Variants in MYO6 observed in about 807,000 individuals in gnomAD.
MYO6 encodes unconventional myosin-VI.
A neutral mutation model predicts 178.7 loss-of-function variants in MYO6; 74 were observed. That is an observed-to-expected ratio of 0.41 (90% CI 0.34 to 0.50). The LOEUF (loss-of-function observed/expected upper bound fraction) is 0.50, where lower values mean the gene tolerates loss of function less well. MYO6 is among the 20% of genes least tolerant of loss of function. The probability of loss-of-function intolerance (pLI) is 0.09; values close to 1 mark genes in which losing one functional copy is unlikely to be tolerated. For synonymous variants in MYO6, 477 were observed against 504.6 expected, an observed-to-expected ratio of 0.95 and a Z score of 0.73; for missense variants, 1,330 against 1,547.4, an observed-to-expected ratio of 0.86 and a Z score of 2.36.
intron 1 of MYO6, among the ~76,000 whole-genome samples, chr6:75,764,091 G>A (rs1778184918): frequency 6.6e-6 from 1 of 151,844 alleles, no homozygotes; most frequent in Admixed American, 6.6e-5. Flanking sequence ...TCTCATCCTG[G>A]CTGGACTGCA....
chr6:75,803,135 C>G (rs1245926128), intron 1 of MYO6, among the ~76,000 whole-genome samples: 1 of 152,092 alleles, frequency 6.6e-6, no homozygotes, highest in African/African-American at 2.4e-5. Flanking sequence ...ATGATTTCTT[C>G]TCTGAAAATC....
At chr6:75,780,213 G>A (rs1271076763) in intron 1 of MYO6, among the ~76,000 whole-genome samples, 3 of 152,206 alleles carry the variant, frequency 2.0e-5, no homozygotes, top group Non-Finnish European at 4.4e-5. Context: ...GGCTGAGGGG[G>A]GCGGATCATC....
chr6:75,861,220 G>A (rs1776191132), intron 15 of MYO6, 125 bp downstream of exon 15: 2 of 804,180 alleles, frequency 2.5e-6, no homozygotes, highest in African/African-American at 1.7e-5. Flanking sequence ...TTTGAGAGAA[G>A]GTTACTTCTG....
At chr6:75,788,168 G>C (rs1420789052) in intron 1 of MYO6, among the ~76,000 whole-genome samples, 3 of 152,172 alleles carry the variant, frequency 2.0e-5, no homozygotes, top group Middle Eastern at 3.4e-3. Flanking sequence ...CACATTAACA[G>C]TGCAAAAGTT....
intron 1 of MYO6, among the ~76,000 whole-genome samples, chr6:75,813,191 C>G (rs1188452238): frequency 6.6e-6 from 1 of 152,082 alleles, no homozygotes; most frequent in Non-Finnish European, 1.5e-5. Flanking sequence ...AATCAAGAAC[C>G]TTAGAAATCT....
chr6:75,881,968 CTTTTTTTA>C lies in MYO6; in HGVS notation c.2416+157_2416+164del, dbSNP rs1326935598. The stretch of plus-strand genomic sequence containing the variant: ...AGGTTCCTATTTGTAGATGTTCTTT[CTTTTTTTA>C]TTTTTTGAGTGTATGATATTTATTT... On this transcript the variant is annotated intron_variant, in intron 23 of 34. Transcript: ENST00000369977. 2.7e-5 allele frequency: 24 copies of C among 878,888 alleles called. 1 individual carries two copies. In the East Asian group the frequency reaches 6.2e-4, roughly 23 times the overall value. 54.4% of individuals were successfully genotyped at this position (878,888 alleles called of 1,614,324 possible). A position where few individuals can be genotyped will look rare whatever the true frequency, so the allele number is the denominator to read the frequency against.
At chr6:75,837,901 CTAAT>C (rs1036894323) in intron 7 of MYO6, among the ~76,000 whole-genome samples, 3 of 152,046 alleles carry the variant, frequency 2.0e-5, no homozygotes, top group African/African-American at 7.2e-5. Context: ...CAGTAAAAGA[CTAAT>C]TAGTATTCTG....
chr6:75,814,242 C>G (rs538869145), intron 1 of MYO6, among the ~76,000 whole-genome samples: 1 of 152,284 alleles, frequency 6.6e-6, no homozygotes, highest in Non-Finnish European at 1.5e-5. Flanking sequence ...CCTGTAGATT[C>G]TCTCACCATA....
intron 1 of MYO6, among the ~76,000 whole-genome samples, chr6:75,757,810 GATA>G (rs754550374): frequency 1.3e-5 from 2 of 151,820 alleles, no homozygotes; most frequent in African/African-American, 2.4e-5. Context: ...GATTGAATTA[GATA>G]ATAATACATG....
At chr6:75,837,589 G>A (rs573069317) in intron 7 of MYO6, among the ~76,000 whole-genome samples, 1 of 152,312 alleles carries the variant, frequency 6.6e-6, no homozygotes, top group East Asian at 1.9e-4. Flanking sequence ...GTATGTTCAT[G>A]CATTTTGCTA....
intron 25 of MYO6, among the ~76,000 whole-genome samples, chr6:75,889,221 AG>A (rs1168546679): frequency 6.6e-6 from 1 of 152,220 alleles, no homozygotes; most frequent in East Asian, 1.9e-4. Context: ...AAATCTGTCA[AG>A]GGCCATCTTT....
intron 1 of MYO6, among the ~76,000 whole-genome samples, chr6:75,767,572 T>C (rs970261132): frequency 1.6e-4 from 23 of 147,456 alleles, no homozygotes; most frequent in Non-Finnish European, 3.1e-4. Flanking sequence ...CAGGCTGGAG[T>C]GTGGTGGCAT....
chr6:75,884,270 A>C (rs1562283120), intron 23 of MYO6, among the ~76,000 whole-genome samples: 1 of 152,324 alleles, frequency 6.6e-6, no homozygotes, highest in South Asian at 2.1e-4. Context: ...TTGCTGTAGG[A>C]TTCTCAGAGG....
At chr6:75,789,521 GT>G (rs537034653) in intron 1 of MYO6, among the ~76,000 whole-genome samples, 4 of 151,334 alleles carry the variant, frequency 2.6e-5, no homozygotes, top group Non-Finnish European at 5.9e-5. Flanking sequence ...TTATTTCCAA[GT>G]TTTTTTCTTT....
At chr6:75,820,998 A>G (rs757487375) in intron 2 of MYO6, among the ~76,000 whole-genome samples, 4 of 152,310 alleles carry the variant, frequency 2.6e-5, no homozygotes, top group Non-Finnish European at 4.4e-5. Flanking sequence ...AGTGATCAAG[A>G]TATGTTTTTA....
rs549109013 is a variant in MYO6 at position 75,892,966 on chromosome 6, ATTGT to A, written c.3107+279_3107+282del. Among the ~76,000 whole-genome samples, 595 of 152,280 alleles carry A rather than the reference ATTGT, an allele frequency of 3.9e-3. 6 individuals carry two copies. Among genetic ancestry groups the A allele is most frequent in the African/African-American group, 0.014 (570 of 41,566 alleles). On this transcript the variant is annotated intron_variant, in intron 28 of 34. Coordinates refer to ENST00000369977, the MANE Select transcript of MYO6 (RefSeq NM_004999.4). ...AAAATATATCAACCTTTACCCTGAA[ATTGT>A]TTAAGAGTATAGTATATTAGGTAGA...
At chr6:75,802,201 G>C (rs182247004) in intron 1 of MYO6, among the ~76,000 whole-genome samples, 97 of 152,176 alleles carry the variant, frequency 6.4e-4, no homozygotes, top group African/African-American at 2.2e-3. Context: ...GGGCATGGTG[G>C]CTCGTGCCTG....
At chr6:75,821,454 G>A (rs149901136) in intron 2 of MYO6, among the ~76,000 whole-genome samples, 1 of 152,074 alleles carries the variant, frequency 6.6e-6, no homozygotes, top group African/African-American at 2.4e-5. Context: ...TTTTGCTTTT[G>A]TGGCCTGTCC....
rs753673058 is a variant in MYO6, at chr6:75,914,231, C to T, written c.3608C>T (p.Ala1203Val). ...WYAHFDGPWI[A>V]RQMELHPDKP... Reference sequence around the variant, plus strand: ...GCCCATTTTGATGGACCATGGATTGCCCGGCAAATGGAACTCCATCCTGAC... The same window carrying T: ...GCCCATTTTGATGGACCATGGATTGTCCGGCAAATGGAACTCCATCCTGAC... The change falls in exon 34 of 35, where the codon GCC becomes GTC. Residue 1203 changes from alanine to valine, a missense_variant. Around this residue, in one of 3 missense-constraint regions of MYO6, gnomAD observed 601 missense variants for 626.1 expected, o/e 0.96. Coordinates refer to ENST00000369977, the MANE Select transcript of MYO6 (RefSeq NM_004999.4). The T allele has an allele frequency of 3.1e-6, 5 of 1,614,196 alleles. No homozygotes were observed. The highest frequency in any genetic ancestry group is 3.4e-6 in the Non-Finnish European group (4 of 1,180,044).
Sources: gnomAD v4.1 joint callset for allele counts (sites outside exome capture counted in the v4.1 genomes callset) on GRCh38, gnomAD v4.1.1 for gene constraint, gnomAD v4.1.1 regional missense constraint, MANE v1.5 for transcripts, NCBI Gene and HGNC (gene_info 2026-07-23, HGNC 2026-07-21) for gene names.